The following UBN2 variants were observed in gnomAD, a reference collection of about 807,000 sequenced individuals.
UBN2 encodes ubinuclein-2.
Under a neutral mutation model 120.2 loss-of-function variants are expected in UBN2, and 35 were observed. That is an observed-to-expected ratio of 0.29 (90% confidence interval 0.22 to 0.39). UBN2 has a LOEUF of 0.39. Among genes scored for constraint, UBN2 ranks in the 10% least tolerant of loss-of-function variants. The probability of loss-of-function intolerance (pLI) is 1.00; values close to 1 mark genes in which losing one functional copy is unlikely to be tolerated. For synonymous variants in UBN2, 661 were observed against 648.7 expected (o/e 1.02, Z -0.29); for missense variants, 1,693 against 1,663.2 (o/e 1.02, Z -0.31).
Position 139,307,842 on chromosome 7 carries a change from T to A in UBN2, c.*10006T>A, listed in dbSNP as rs1436080105. On this transcript the variant is annotated 3_prime_UTR_variant, in exon 18 of 18. Coordinates refer to ENST00000473989, the MANE Select transcript of UBN2 (RefSeq NM_173569.4). ...TTGTCTCTAGTTTTTAGAAAGCTCT[T>A]ATCACTCCTTCCTAAGAAAAAAGAA... 1 of 152,134 alleles carries A rather than the reference T, an allele frequency of 6.6e-6. No individual in the cohort carries two copies. The highest frequency in any genetic ancestry group is 2.4e-5 in the African/African-American group (1 of 41,420). 9.4% of individuals were successfully genotyped at this position (152,134 alleles called of 1,614,324 possible).
rs544641818 is a variant in UBN2, at chr7:139,235,880, T to TTTTA, written c.469-1124_469-1121dup. Among the ~76,000 whole-genome samples the TTTTA allele has an allele frequency of 6.6e-5, 10 of 152,368 alleles. No individual in the cohort carries two copies. The East Asian group carries it at 1.9e-3, about 29-fold the overall frequency. The stretch of plus-strand genomic sequence containing the variant: ...TCTGTCCACATTTTTCTATCATGTT[T>TTTTA]TTTAGACCGATCATGTCTCAGTCTT... On this transcript the variant is annotated intron_variant, in intron 1 of 17. Transcript: ENST00000473989.
chr7:139,317,198 T>G, the UBN2 span, among the ~76,000 whole-genome samples: 1 of 152,012 alleles, frequency 6.6e-6, no homozygotes, highest in Non-Finnish European at 1.5e-5. Context: ...ATTATTATTA[T>G]TTGAGATAGA....
At chr7:139,250,301 C>T (rs1235165083) in intron 2 of UBN2, among the ~76,000 whole-genome samples, 1 of 151,992 alleles carries the variant, frequency 6.6e-6, no homozygotes, top group South Asian at 2.1e-4. Context: ...GGTACCATCT[C>T]GGCTCACTGC....
At chr7:139,231,985 C>T (rs749928339) in intron 1 of UBN2, 33 bp downstream of exon 1, 3 of 1,563,136 alleles carry the variant, frequency 1.9e-6, no homozygotes, top group East Asian at 2.5e-5. Context: ...GCCCCAGACC[C>T]CGGGAGCCTC....
chr7:139,295,564 A>G (rs948257893), intron 17 of UBN2, among the ~76,000 whole-genome samples: 1 of 152,230 alleles, frequency 6.6e-6, no homozygotes, highest in Admixed American at 6.5e-5. Flanking sequence ...CAGCACTGCT[A>G]TTCCGAGGGG....
chr7:139,319,400 G>T, the UBN2 span, among the ~76,000 whole-genome samples: 1 of 152,042 alleles, frequency 6.6e-6, no homozygotes, highest in Admixed American at 6.6e-5. Flanking sequence ...GTCTTGATCT[G>T]CCACCCCACC....
intron 2 of UBN2, among the ~76,000 whole-genome samples, chr7:139,242,265 A>G (rs1796340841): frequency 6.6e-6 from 1 of 152,230 alleles, no homozygotes; most frequent in African/African-American, 2.4e-5. Context: ...GGGAGTTGTA[A>G]GAATCATATC....
chr7:139,237,919 C>T (rs907966942), intron 2 of UBN2, among the ~76,000 whole-genome samples: 7 of 152,222 alleles, frequency 4.6e-5, no homozygotes, highest in Middle Eastern at 6.8e-3. Flanking sequence ...TGAAAGTGTC[C>T]GGTTTATGCT....
intron 6 of UBN2, among the ~76,000 whole-genome samples, chr7:139,265,808 G>A (rs1797080100): frequency 6.6e-6 from 1 of 152,184 alleles, no homozygotes; most frequent in Non-Finnish European, 1.5e-5. Context: ...AAGAGGCAAG[G>A]AACAAGGTCT....
At chr7:139,309,587 G>A (rs1798420932), downstream of UBN2, among the ~76,000 whole-genome samples, 1 of 152,102 alleles carries the variant, frequency 6.6e-6, no homozygotes, top group East Asian at 1.9e-4. Context: ...TTTGGCATGG[G>A]TCACTTTTTT....
Position 139,293,975 on chromosome 7 carries a change from T to A in UBN2, c.3988T>A (p.Phe1330Ile). Residue 1330 changes from phenylalanine to isoleucine, a missense_variant, in exon 17 of 18, where the codon TTT (phenylalanine) becomes ATT (isoleucine). Phe to Ile is a conservative substitution (Grantham distance 21). Transcript: ENST00000473989. ...TCTGCCTGCACACTTACAGCAAGCA[T>A]TTCACGGTGAGAACGCCACCTCCTT... The part of the protein sequence containing the change: ...SPLPAHLQQA[F>I]HDGGQSKGDT... 1 of 1,614,100 alleles carries A rather than the reference T, an allele frequency of 6.2e-7. No homozygotes were observed. Among genetic ancestry groups the A allele is most frequent in the Non-Finnish European group, 8.5e-7 (1 of 1,179,962 alleles).
At chr7:139,285,924 TTTA>T (rs1174585772) in intron 15 of UBN2, among the ~76,000 whole-genome samples, 1 of 151,650 alleles carries the variant, frequency 6.6e-6, no homozygotes, top group East Asian at 1.9e-4. Flanking sequence ...TGTATATTTA[TTTA>T]TTATTATTAT....
intron 8 of UBN2, among the ~76,000 whole-genome samples, chr7:139,271,777 A>T (rs994899104): frequency 2.0e-5 from 3 of 152,174 alleles, no homozygotes; most frequent in Admixed American, 6.6e-5. Context: ...ACGCACATGA[A>T]TAAGAGTTTT....
At chr7:139,310,751 C>A (rs752051697), downstream of UBN2, among the ~76,000 whole-genome samples, 5 of 152,126 alleles carry the variant, frequency 3.3e-5, no homozygotes, top group Non-Finnish European at 5.9e-5. Flanking sequence ...CCAGCCTGGG[C>A]GACAGAGTGA....
At chr7:139,286,715 A>C (rs1197783504) in intron 15 of UBN2, among the ~76,000 whole-genome samples, 1 of 151,988 alleles carries the variant, frequency 6.6e-6, no homozygotes, top group African/African-American at 2.4e-5. Flanking sequence ...CATAACTTTT[A>C]TTTATTTATG....
chr7:139,232,565 T>C (rs1458616879), intron 1 of UBN2, among the ~76,000 whole-genome samples: 1 of 152,208 alleles, frequency 6.6e-6, no homozygotes, highest in Non-Finnish European at 1.5e-5. Context: ...AGTGGGTTAG[T>C]TAATCTGGTT....
chr7:139,250,799 T>C (rs977749518), intron 2 of UBN2, among the ~76,000 whole-genome samples: 1 of 152,116 alleles, frequency 6.6e-6, no homozygotes, highest in African/African-American at 2.4e-5. Flanking sequence ...TGTGTATAAT[T>C]CTAATTATTA....
chr7:139,270,672 C>T (rs1209900172), intron 8 of UBN2, among the ~76,000 whole-genome samples: 1 of 152,174 alleles, frequency 6.6e-6, no homozygotes, highest in Non-Finnish European at 1.5e-5. Context: ...TGGGTTGTTT[C>T]CAGGCAGGTA....
intron 6 of UBN2, among the ~76,000 whole-genome samples, chr7:139,262,713 CAAA>C (rs745935446): frequency 1.2e-5 from 1 of 82,026 alleles, no homozygotes; most frequent in Non-Finnish European, 2.3e-5. Flanking sequence ...GACTCCATCT[CAAA>C]AAAAAAAAAA....
Sources: allele counts gnomAD v4.1 joint callset (sites outside exome capture counted in the v4.1 genomes callset), GRCh38; gene constraint gnomAD v4.1.1; transcripts MANE v1.5; gene names NCBI Gene and HGNC (gene_info 2026-07-23, HGNC 2026-07-21).